Variants in MRTFA observed in about 807,000 individuals in gnomAD.
MRTFA encodes myocardin-related transcription factor A.
A neutral mutation model predicts 83.5 loss-of-function variants in MRTFA; 20 were observed. The ratio of observed to expected loss-of-function variants is 0.24; its 90% CI spans 0.17 to 0.35. MRTFA has a LOEUF of 0.35. MRTFA is among the 10% of genes least tolerant of loss of function. MRTFA has a pLI of 1.00. For missense variants in MRTFA, 1,200 were observed against 1,224.7 expected (o/e 0.98, Z 0.30); for synonymous variants, 659 against 541.2 (o/e 1.22, Z -3.02).
chr22:40,424,690 T>C (rs2052916645), intron 7 of MRTFA, among the ~76,000 whole-genome samples: 1 of 152,210 alleles, frequency 6.6e-6, no homozygotes. Context: ...CAATGTCAAG[T>C]TGTCCCTCCC....
chr22:40,510,983 G>C (rs1302409846), intron 3 of MRTFA, among the ~76,000 whole-genome samples: 1 of 152,170 alleles, frequency 6.6e-6, no homozygotes, highest in Non-Finnish European at 1.5e-5. Context: ...TAACCACATA[G>C]TCAGAGACCA....
intron 2 of MRTFA, among the ~76,000 whole-genome samples, chr22:40,583,300 G>A (rs2055977619): frequency 6.6e-6 from 1 of 152,046 alleles, no homozygotes; most frequent in Non-Finnish European, 1.5e-5. Context: ...GACACTAGGG[G>A]CCCAGCTCAC....
chr22:40,459,998 G>A (rs1039479161), intron 4 of MRTFA, among the ~76,000 whole-genome samples: 22 of 151,456 alleles, frequency 1.5e-4, no homozygotes, highest in Non-Finnish European at 2.4e-4. Context: ...GCTGGAGTGC[G>A]GTGGTGCAAA....
chr22:40,575,257 C>T (rs1005990118), intron 2 of MRTFA, among the ~76,000 whole-genome samples: 9 of 152,114 alleles, frequency 5.9e-5, no homozygotes, highest in African/African-American at 1.9e-4. Flanking sequence ...TCAACCAGCT[C>T]GTTCAGCCCC....
intron 3 of MRTFA, among the ~76,000 whole-genome samples, chr22:40,542,431 T>C (rs186146852): frequency 2.6e-4 from 40 of 152,350 alleles, no homozygotes; most frequent in Admixed American, 2.5e-3. Flanking sequence ...TAACTCTTTG[T>C]TGAGTCTTTT....
intron 1 of MRTFA, among the ~76,000 whole-genome samples, chr22:40,617,148 A>G (rs1053365019): frequency 8.9e-6 from 1 of 112,224 alleles, no homozygotes; most frequent in South Asian, 3.6e-4. Context: ...GAGAGAAGGA[A>G]GGAAGGAAGG....
At chr22:40,475,503 C>CT (rs1322232363) in intron 3 of MRTFA, among the ~76,000 whole-genome samples, 1 of 151,888 alleles carries the variant, frequency 6.6e-6, no homozygotes. Flanking sequence ...TGCCCCTGCA[C>CT]TCCAGCCTGG....
intron 2 of MRTFA, among the ~76,000 whole-genome samples, chr22:40,576,586 C>T (rs563832922): frequency 1.5e-4 from 23 of 152,162 alleles, no homozygotes; most frequent in African/African-American, 4.6e-4. Flanking sequence ...CTTTAGGAAG[C>T]GAAATTATGT....
At chr22:40,584,014 A>C (rs2055987560) in intron 2 of MRTFA, among the ~76,000 whole-genome samples, 1 of 152,204 alleles carries the variant, frequency 6.6e-6, no homozygotes, top group Non-Finnish European at 1.5e-5. Context: ...ACTATTTTAT[A>C]ATCACAATTC....
chr22:40,466,250 T>C (rs1195397463), intron 3 of MRTFA, among the ~76,000 whole-genome samples: 2 of 152,182 alleles, frequency 1.3e-5, no homozygotes, highest in Admixed American at 1.3e-4. Context: ...ACACAAATAA[T>C]AAATGAGTGT....
In MRTFA at chr22:40,483,673, A is replaced by C. The variant is rs200357002; in HGVS notation, c.242-20387T>G. Reference sequence around the variant, plus strand: ...GCACTCCAGCCTGGGTGACAGAGTGAGACTGTCTCAATAAAAAAAAAAAAA... The same window carrying C: ...GCACTCCAGCCTGGGTGACAGAGTGCGACTGTCTCAATAAAAAAAAAAAAA... On this transcript the variant is annotated intron_variant, in intron 3 of 14. Transcript: ENST00000355630. Among the ~76,000 whole-genome samples, 3 of 151,522 alleles carry C rather than the reference A, an allele frequency of 2.0e-5. No homozygotes were observed. The East Asian group carries it at 5.9e-4, about 30-fold the overall frequency.
intron 11 of MRTFA, among the ~76,000 whole-genome samples, chr22:40,419,899 G>A (rs555311573): frequency 1.6e-4 from 24 of 152,320 alleles, no homozygotes; most frequent in East Asian, 1.5e-3. Context: ...ATCACAGGCC[G>A]CTCTCTTCCC....
chr22:40,478,739 T>C (rs2054039705), intron 3 of MRTFA, among the ~76,000 whole-genome samples: 1 of 152,148 alleles, frequency 6.6e-6, no homozygotes, highest in Non-Finnish European at 1.5e-5. Flanking sequence ...ATGCAACATC[T>C]GGTGGAGGCA....
chr22:40,465,198 T>C (rs1158878185), intron 3 of MRTFA, among the ~76,000 whole-genome samples: 1 of 152,252 alleles, frequency 6.6e-6, no homozygotes, highest in African/African-American at 2.4e-5. Flanking sequence ...CCTTGTGTAA[T>C]AGTAGCCCTT....
chr22:40,418,284 A>G, intron 12 of MRTFA, 90 bp downstream of exon 12: 1 of 1,528,828 alleles, frequency 6.5e-7, no homozygotes, highest in East Asian at 2.3e-5. Context: ...AATGTCCAGC[A>G]CGAGGGGTCC....
chr22:40,561,713 TGGAAA>T (rs1299570224), intron 2 of MRTFA, among the ~76,000 whole-genome samples: 1 of 152,050 alleles, frequency 6.6e-6, no homozygotes, highest in African/African-American at 2.4e-5. Flanking sequence ...AACAAAACAA[TGGAAA>T]GCACATGGAA....
chr22:40,541,375 ATT>A (rs1242711188), intron 3 of MRTFA, among the ~76,000 whole-genome samples: 1 of 152,200 alleles, frequency 6.6e-6, no homozygotes, highest in African/African-American at 2.4e-5. Flanking sequence ...GCATGAGTTT[ATT>A]GAGGCTCAGC....
intron 1 of MRTFA, among the ~76,000 whole-genome samples, chr22:40,627,266 A>G (rs560303155): frequency 9.2e-5 from 14 of 152,168 alleles, no homozygotes; most frequent in South Asian, 4.1e-4. Flanking sequence ...AGTGCATGTC[A>G]CCATGCTGAG....
chr22:40,611,095 G>A (rs1208946886), intron 1 of MRTFA, among the ~76,000 whole-genome samples: 2 of 151,894 alleles, frequency 1.3e-5, no homozygotes, highest in East Asian at 1.9e-4. Context: ...GTGCCACCAC[G>A]CCCGGCCGAT....
Sources: allele counts gnomAD v4.1 joint callset (sites outside exome capture counted in the v4.1 genomes callset), GRCh38; gene constraint gnomAD v4.1.1; transcripts MANE v1.5; gene names NCBI Gene and HGNC (gene_info 2026-07-23, HGNC 2026-07-21).